The following SEZ6L variants were observed in gnomAD, a reference collection of about 807,000 sequenced individuals.
SEZ6L encodes the protein seizure 6-like protein.
SEZ6L carries 37 observed loss-of-function variants against 106.2 expected under a neutral mutation model. The ratio of observed to expected loss-of-function variants is 0.35; its 90% CI spans 0.27 to 0.46. SEZ6L has a LOEUF of 0.46. Ranked by LOEUF, SEZ6L falls within the 20% of genes least tolerant of loss-of-function variation. SEZ6L has a pLI of 1.00. For synonymous variants in SEZ6L, 541 were observed against 570.4 expected (o/e 0.95, Z 0.73); for missense variants, 1,172 against 1,332.8 (o/e 0.88, Z 1.88).
intron 1 of SEZ6L, among the ~76,000 whole-genome samples, chr22:26,290,733 GGCCCCT>G (rs141951070): frequency 1.3e-5 from 2 of 152,318 alleles, no homozygotes; most frequent in Non-Finnish European, 2.9e-5. Flanking sequence ...TCCAGGGCCT[GGCCCCT>G]GCCTCCCTAC....
intron 1 of SEZ6L, among the ~76,000 whole-genome samples, chr22:26,239,736 C>T (rs749048778): frequency 6.6e-6 from 1 of 152,160 alleles, no homozygotes; most frequent in Admixed American, 6.5e-5. Context: ...GGTTTTCTGA[C>T]TCACAGAGCC....
chr22:26,326,321 C>T (rs1202187296), intron 9 of SEZ6L, among the ~76,000 whole-genome samples: 3 of 152,148 alleles, frequency 2.0e-5, no homozygotes, highest in Non-Finnish European at 4.4e-5. Context: ...TTTACGAGTC[C>T]CTGACATGCG....
At position 26,382,644 on chromosome 22, in the gene SEZ6L, C is replaced by G. The variant is rs1018707892; in HGVS notation, c.*2349C>G. 1 of 151,886 alleles carries G rather than the reference C, an allele frequency of 6.6e-6. No individual in the cohort carries two copies. Among genetic ancestry groups the G allele is most frequent in the Non-Finnish European group, 1.5e-5 (1 of 68,022 alleles). 9.4% of individuals were successfully genotyped at this position (151,886 alleles called of 1,614,324 possible). On this transcript the variant is annotated 3_prime_UTR_variant, in exon 17 of 17. Coordinates refer to ENST00000248933, the MANE Select transcript of SEZ6L (RefSeq NM_021115.5). The stretch of plus-strand genomic sequence containing the variant: ...TGTTTTAGCCTAGAGACAGATCATA[C>G]GAGTTCAACAATGTACAGTGTGATT...
chr22:26,207,151 T>C (rs1047825405), intron 1 of SEZ6L, among the ~76,000 whole-genome samples: 1 of 152,234 alleles, frequency 6.6e-6, no homozygotes, highest in Non-Finnish European at 1.5e-5. Flanking sequence ...TTTTCTGTTT[T>C]GTTTTGTTTT....
chr22:26,289,126 C>T (rs950986657), intron 1 of SEZ6L, among the ~76,000 whole-genome samples: 1 of 152,214 alleles, frequency 6.6e-6, no homozygotes, highest in Non-Finnish European at 1.5e-5. Context: ...GAGACCCATG[C>T]AAAGTCATGC....
chr22:26,348,814 A>AGGGGGGGGGGAGGGGAGG (rs2083170595), intron 11 of SEZ6L, among the ~76,000 whole-genome samples: 1 of 2,146 alleles, frequency 4.7e-4, no homozygotes. Flanking sequence ...GGAAGGGGAG[A>AGGGGGGGGGGAGGGGAGG]GAAGAGAGGG....
In SEZ6L at chr22:26,347,589, G is replaced by A. The variant is rs552174352; in HGVS notation, c.2213-130G>A. 1.0e-5 allele frequency: 7 copies of A among 682,466 alleles called. 1 individual carries two copies. The highest frequency in any genetic ancestry group is 7.0e-5 in the South Asian group (3 of 42,736). The allele number at this position is 682,466 out of a possible 1,614,324, so 42.3% of individuals were successfully genotyped here. A position where few individuals can be genotyped will look rare whatever the true frequency, so the allele number is the denominator to read the frequency against. ...ATAGACGAGCTCTTGCCAGTTAAGC[G>A]ATTTTGGAAGCGTGTTGCTCATTTC... On this transcript the variant is annotated intron_variant, in intron 10 of 16. Transcript: ENST00000248933.
chr22:26,202,116 G>A lies in SEZ6L; in HGVS notation c.94+32353G>A, dbSNP rs1219214008. Among the ~76,000 whole-genome samples the A allele has an allele frequency of 1.4e-4, 22 of 151,998 alleles. 1 individual carries two copies. Among genetic ancestry groups the A allele is most frequent in the Admixed American group, 1.2e-3 (19 of 15,256 alleles). ...TTTTTAGTAGAGACGGGGTTTCACT[G>A]TGTTAGCCAGGATAGTCTTGATCTC... On this transcript the variant is annotated intron_variant, in intron 1 of 16. Transcript: ENST00000248933.
At chr22:26,224,407 G>C (rs1439952793) in intron 1 of SEZ6L, among the ~76,000 whole-genome samples, 1 of 152,138 alleles carries the variant, frequency 6.6e-6, no homozygotes, top group East Asian at 1.9e-4. Flanking sequence ...AGAGAAATAT[G>C]AGCTATCAGA....
At chr22:26,327,908 C>T (rs1162216332) in intron 9 of SEZ6L, among the ~76,000 whole-genome samples, 1 of 152,238 alleles carries the variant, frequency 6.6e-6, no homozygotes, top group Non-Finnish European at 1.5e-5. Flanking sequence ...TGGGCAGTGC[C>T]ACAGAGGAAA....
chr22:26,294,208 A>G, intron 2 of SEZ6L, 84 bp from the exon 3 acceptor site: 1 of 1,407,246 alleles, frequency 7.1e-7, no homozygotes, highest in Non-Finnish European at 9.8e-7. Flanking sequence ...AGGTTCCCCT[A>G]AAGCCCCCAT....
Position 26,306,042 on chromosome 22 carries a change from A to G in SEZ6L, c.1412A>G (p.Glu471Gly), listed in dbSNP as rs1416424881. The G allele has an allele frequency of 6.2e-7, 1 of 1,614,110 alleles. No individual in the cohort carries two copies. Among genetic ancestry groups the G allele is most frequent in the East Asian group, 2.2e-5 (1 of 44,882 alleles). ...IGRVLSPSYP[E>G]NTNGSQFCIW... ...CGCGTCCTCTCCCCAAGTTACCCTG[A>G]AAACACAAATGGGAGCCAATTCTGC... is the stretch of plus-strand genomic sequence containing the variant. The change falls in exon 6 of 17, where the codon GAA (glutamate) becomes GGA (glycine). Residue 471 changes from glutamate (E) to glycine (G), a missense_variant. Around this residue, in one of 4 missense-constraint regions of SEZ6L, gnomAD observed 534 missense variants for 691.0 expected, o/e 0.77. Coordinates refer to ENST00000248933, the MANE Select transcript of SEZ6L (RefSeq NM_021115.5).
intron 1 of SEZ6L, among the ~76,000 whole-genome samples, chr22:26,190,525 T>A (rs1439862057): frequency 6.6e-6 from 1 of 152,248 alleles, no homozygotes; most frequent in East Asian, 1.9e-4. Context: ...GCAAATTATT[T>A]CATCTCTCTG....
chr22:26,220,623 G>A (rs755428715), intron 1 of SEZ6L, among the ~76,000 whole-genome samples: 3 of 152,166 alleles, frequency 2.0e-5, no homozygotes, highest in Non-Finnish European at 4.4e-5. Context: ...TCCTCTGGCT[G>A]GAACTCATCC....
chr22:26,302,470 A>C (rs1390930083), intron 5 of SEZ6L, among the ~76,000 whole-genome samples: 1 of 152,198 alleles, frequency 6.6e-6, no homozygotes, highest in Non-Finnish European at 1.5e-5. Context: ...GCCACCTACT[A>C]TGTGCCAGGC....
At chr22:26,364,096 CCTA>C (rs773427161) in intron 12 of SEZ6L, among the ~76,000 whole-genome samples, 3 of 152,140 alleles carry the variant, frequency 2.0e-5, no homozygotes, top group Non-Finnish European at 4.4e-5. Flanking sequence ...AGTACACTAA[CCTA>C]CTGGACTGTA....
chr22:26,327,453 C>CCACACACCATAAACACACACCCCT (rs2082349967), intron 9 of SEZ6L, among the ~76,000 whole-genome samples: 1 of 137,646 alleles, frequency 7.3e-6, no homozygotes, highest in Non-Finnish European at 1.6e-5. Context: ...ACTACACACA[C>CCACACACCATAAACACACACCCCT]CACACACCAT....
intron 1 of SEZ6L, among the ~76,000 whole-genome samples, chr22:26,260,737 G>A (rs755324051): frequency 2.6e-5 from 4 of 152,120 alleles, no homozygotes; most frequent in Non-Finnish European, 4.4e-5. Context: ...TTTCTTCTGG[G>A]TAGATACCTA....
At chr22:26,303,820 T>A (rs1326613528) in intron 5 of SEZ6L, among the ~76,000 whole-genome samples, 1 of 152,176 alleles carries the variant, frequency 6.6e-6, no homozygotes, top group East Asian at 1.9e-4. Context: ...CCACTTTTGC[T>A]TCCTCTCCTA....
Sources: gnomAD v4.1 joint callset for allele counts (sites outside exome capture counted in the v4.1 genomes callset) on GRCh38, gnomAD v4.1.1 for gene constraint, gnomAD v4.1.1 regional missense constraint, MANE v1.5 for transcripts, NCBI Gene and HGNC (gene_info 2026-07-23, HGNC 2026-07-21) for gene names.